Variants in DNAH9 observed in about 807,000 individuals in gnomAD.
DNAH9 encodes dynein axonemal heavy chain 9.
In DNAH9, 345 loss-of-function variants were observed where a neutral mutation model predicts 471.6. That is an observed-to-expected ratio of 0.73 (90% CI 0.67 to 0.80). The LOEUF (loss-of-function observed/expected upper bound fraction) is 0.80. Among genes scored for constraint, DNAH9 ranks in the 30% least tolerant of loss-of-function variants. DNAH9 has a pLI of 0.00. For missense variants in DNAH9, 5,407 were observed against 5,609.2 expected, an observed-to-expected ratio of 0.96 and a Z score of 1.15; for synonymous variants, 2,093 against 2,123.6, an observed-to-expected ratio of 0.99 and a Z score of 0.40.
rs199850205 is a variant in DNAH9 at position 11,880,200 on chromosome 17, G to A, written c.10601G>A (p.Arg3534Gln). 11 of 1,612,798 alleles carry A rather than the reference G, an allele frequency of 6.8e-6. No homozygotes were observed. The highest frequency in any genetic ancestry group is 1.1e-5 in the South Asian group (1 of 90,984). Residue 3534 changes from arginine to glutamine, a missense_variant and splice_region_variant, in exon 54 of 69, where the codon CGA becomes CAA. Physicochemically the swap from Arg to Gln is conservative, Grantham distance 43. Coordinates refer to ENST00000262442, the MANE Select transcript of DNAH9 (RefSeq NM_001372.4). Reference protein sequence around the residue: ...LLGREVIKKGRFIKIGDKECE... With the variant: ...LLGREVIKKGQFIKIGDKECE... ...GGGAGAGAAGTCATTAAAAAAGGAC[G>A]GTAAGACTCAGCTGTGTTGCTGACC... is the stretch of plus-strand genomic sequence containing the variant.
At chr17:11,934,270 G>C (rs1287603505) in intron 65 of DNAH9, among the ~76,000 whole-genome samples, 199 bp downstream of exon 65, 1 of 152,074 alleles carries the variant, frequency 6.6e-6, no homozygotes, top group Non-Finnish European at 1.5e-5. Context: ...CCCTGTTTAA[G>C]TTGAGAGATA....
intron 50 of DNAH9, among the ~76,000 whole-genome samples, chr17:11,866,204 G>A: frequency 6.6e-6 from 1 of 151,646 alleles, no homozygotes; most frequent in Admixed American, 6.6e-5. Flanking sequence ...TGGTGTGGAT[G>A]TCCTTTCTGT....
intron 49 of DNAH9, among the ~76,000 whole-genome samples, chr17:11,847,070 T>C (rs986805501): frequency 6.6e-6 from 1 of 152,214 alleles, no homozygotes; most frequent in Non-Finnish European, 1.5e-5. Context: ...GGTGGTTTTT[T>C]TCTTGTAAAT....
chr17:11,938,629 C>T (rs991800566), intron 66 of DNAH9, among the ~76,000 whole-genome samples: 1 of 151,958 alleles, frequency 6.6e-6, no homozygotes, highest in Non-Finnish European at 1.5e-5. Flanking sequence ...TAAGATTTCA[C>T]TCCATCACCC....
chr17:11,877,153 A>G (rs1244007385), intron 53 of DNAH9, among the ~76,000 whole-genome samples: 4 of 151,830 alleles, frequency 2.6e-5, no homozygotes, highest in South Asian at 4.1e-4. Flanking sequence ...CAATTTAAAT[A>G]TATTAATTAA....
chr17:11,925,671 C>T (rs1004880999), intron 62 of DNAH9, among the ~76,000 whole-genome samples: 1 of 152,134 alleles, frequency 6.6e-6, no homozygotes, highest in Non-Finnish European at 1.5e-5. Flanking sequence ...CCCCGTTGTC[C>T]CCCAGCATCT....
chr17:11,744,338 C>G (rs1187124533), intron 30 of DNAH9, among the ~76,000 whole-genome samples: 1 of 152,140 alleles, frequency 6.6e-6, no homozygotes, highest in African/African-American at 2.4e-5. Context: ...GCACTGTGAC[C>G]AGGGGGTTCA....
intron 45 of DNAH9, 148 bp downstream of exon 45, chr17:11,810,517 T>G: frequency 1.0e-6 from 1 of 1,000,712 alleles, no homozygotes; most frequent in Non-Finnish European, 1.4e-6. Flanking sequence ...TTCATTGAGG[T>G]CCTTCTCAGC....
intron 60 of DNAH9, among the ~76,000 whole-genome samples, chr17:11,903,434 G>A (rs988686414): frequency 6.6e-6 from 1 of 152,132 alleles, no homozygotes; most frequent in Non-Finnish European, 1.5e-5. Context: ...ACGGGGTTAT[G>A]GTAAAGACTG....
intron 60 of DNAH9, among the ~76,000 whole-genome samples, chr17:11,905,086 T>C (rs994278378): frequency 5.3e-5 from 8 of 151,616 alleles, no homozygotes; most frequent in Admixed American, 1.3e-4. Context: ...TAAAAAAAAT[T>C]AGCTGGGCGT....
intron 6 of DNAH9, among the ~76,000 whole-genome samples, chr17:11,625,736 G>A (rs550828386): frequency 1.3e-5 from 2 of 152,110 alleles, no homozygotes; most frequent in Non-Finnish European, 2.9e-5. Flanking sequence ...AGTGCTGCAC[G>A]GTTTTTTCAT....
intron 51 of DNAH9, 144 bp downstream of exon 51, chr17:11,869,397 G>A: frequency 8.1e-7 from 1 of 1,233,974 alleles, no homozygotes; most frequent in Non-Finnish European, 1.1e-6. Context: ...CAGGAATTGA[G>A]TCCTGAGGAA....
chr17:11,707,750 C>G (rs2150781443), intron 26 of DNAH9, among the ~76,000 whole-genome samples: 1 of 151,720 alleles, frequency 6.6e-6, no homozygotes, highest in Non-Finnish European at 1.5e-5. Flanking sequence ...TGATGACTCA[C>G]TCCCTACACT....
chr17:11,610,206 G>C (rs930110709), intron 2 of DNAH9, among the ~76,000 whole-genome samples, 190 bp from the exon 3 acceptor site: 1 of 151,988 alleles, frequency 6.6e-6, no homozygotes, highest in Non-Finnish European at 1.5e-5. Context: ...CTGGAGAGAG[G>C]ATCTATAATT....
chr17:11,883,042 T>C (rs1179125742), intron 55 of DNAH9: 1 of 986,582 alleles, frequency 1.0e-6, no homozygotes, highest in Non-Finnish European at 1.2e-6. Flanking sequence ...ATATGGAGCA[T>C]AAAGAGAGGA....
rs1555584686 is a variant in DNAH9 at position 11,762,777 on chromosome 17, T to TG, written c.6996-663_6996-662insG. Among the ~76,000 whole-genome samples the TG allele has an allele frequency of 6.2e-5, 7 of 113,058 alleles. 2 individuals carry two copies. The South Asian group carries it at 8.8e-4, about 14-fold the overall frequency. 74.2% of individuals were successfully genotyped at this position (113,058 alleles called of 152,430 possible). ...AGGTGCGTTTTTTTTTTTGTTTTTT[T>TG]TTTTTTTTTTTTTTTTTTTTGAGAT... is the stretch of plus-strand genomic sequence containing the variant. On this transcript the variant is annotated intron_variant, in intron 35 of 68. Transcript: ENST00000262442.
Position 11,763,598 on chromosome 17 carries a change from C to G in DNAH9, c.7154C>G (p.Ala2385Gly). 1 of 1,614,030 alleles carries G rather than the reference C, an allele frequency of 6.2e-7. No homozygotes were observed. The highest frequency in any genetic ancestry group is 8.5e-7 in the Non-Finnish European group (1 of 1,179,974). ...VFAAIWAFGG[A>G]MVQDQLVDYR... The stretch of plus-strand genomic sequence containing the variant: ...GCTGCCATCTGGGCTTTCGGCGGAG[C>G]AATGGTCCAAGATCAGGTAAGGAGA... Residue 2385 changes from alanine to glycine, a missense_variant, in exon 36 of 69, where the codon GCA (alanine) becomes GGA (glycine). By Grantham distance (60) the Ala-to-Gly change is moderately conservative. Transcript: ENST00000262442.
At chr17:11,835,652 A>G (rs1387606937) in intron 49 of DNAH9, among the ~76,000 whole-genome samples, 1 of 152,214 alleles carries the variant, frequency 6.6e-6, no homozygotes, top group Non-Finnish European at 1.5e-5. Flanking sequence ...AGATGGACAG[A>G]AAGCTGCCCC....
At chr17:11,757,423 T>C (rs139385048) in intron 34 of DNAH9, 122 bp from the exon 35 acceptor site, 2 of 930,732 alleles carry the variant, frequency 2.1e-6, no homozygotes, top group Non-Finnish European at 1.6e-6. Context: ...CTTGGCCAAA[T>C]CTCCTTTTCT....
Sources: allele counts gnomAD v4.1 joint callset (sites outside exome capture counted in the v4.1 genomes callset), GRCh38; gene constraint gnomAD v4.1.1; transcripts MANE v1.5; gene names NCBI Gene and HGNC (gene_info 2026-07-23, HGNC 2026-07-21).